The following CFAP263 variants were observed in gnomAD, a reference collection of about 807,000 sequenced individuals.
CFAP263 encodes cilia and flagella associated protein 263.
the CFAP263 span, among the ~76,000 whole-genome samples, chr16:58,267,051 G>A: frequency 2.9e-4 from 44 of 152,220 alleles, no homozygotes; most frequent in African/African-American, 7.9e-4. Context: ...TATTCCCCAC[G>A]CTCCATCCAC....
the CFAP263 span, among the ~76,000 whole-genome samples, chr16:58,268,818 ATTTT>A: frequency 2.0e-5 from 3 of 152,092 alleles, no homozygotes; most frequent in Non-Finnish European, 4.4e-5. Flanking sequence ...CTTAAAATTG[ATTTT>A]TTTTAAAGCC....
chr16:58,262,406 C>T, the CFAP263 span: 1 of 1,612,438 alleles, frequency 6.2e-7, no homozygotes, highest in Non-Finnish European at 8.5e-7. Flanking sequence ...GAGTGAGGCC[C>T]TTCACGATGT....
chr16:58,266,007 C>T, the CFAP263 span, among the ~76,000 whole-genome samples: 22 of 152,348 alleles, frequency 1.4e-4, no homozygotes, highest in Non-Finnish European at 2.5e-4. Flanking sequence ...CCCGGCCCCA[C>T]GTCTGACCCC....
At chr16:58,281,575 T>C in the CFAP263 span, 1 of 152,260 alleles carries the variant, frequency 6.6e-6, no homozygotes, top group Non-Finnish European at 1.5e-5. Flanking sequence ...CTCAAAGGAA[T>C]TCCTGCCCCT....
the CFAP263 span, chr16:58,254,212 C>G: frequency 8.3e-6 from 13 of 1,571,222 alleles, no homozygotes; most frequent in South Asian, 1.5e-4. Context: ...CACCTCTACC[C>G]CACTGAGAGG....
At chr16:58,257,782 T>A in the CFAP263 span, among the ~76,000 whole-genome samples, 1 of 152,166 alleles carries the variant, frequency 6.6e-6, no homozygotes, top group South Asian at 2.1e-4. Context: ...TTTTAATGGA[T>A]AAATAATTTC....
the CFAP263 span, among the ~76,000 whole-genome samples, chr16:58,272,116 G>A: frequency 6.6e-5 from 10 of 151,154 alleles, no homozygotes; most frequent in East Asian, 3.9e-4. Flanking sequence ...CCGGGTTCAC[G>A]CCATTCTCCT....
At chr16:58,256,801 T>A in the CFAP263 span, among the ~76,000 whole-genome samples, 1 of 152,220 alleles carries the variant, frequency 6.6e-6, no homozygotes, top group Middle Eastern at 3.4e-3. Flanking sequence ...ATTTGCAGTC[T>A]GGCTAGAGAT....
chr16:58,263,051 C>T, the CFAP263 span, among the ~76,000 whole-genome samples: 24,873 of 152,058 alleles, frequency 0.16, 2,250 homozygotes, highest in African/African-American at 0.23. Flanking sequence ...ATTTATCATC[C>T]AAACAGAACC....
At chr16:58,263,221 G>A in the CFAP263 span, among the ~76,000 whole-genome samples, 2 of 152,186 alleles carry the variant, frequency 1.3e-5, no homozygotes, top group Non-Finnish European at 2.9e-5. Flanking sequence ...CCACTGCCCT[G>A]TGAGCTAAGA....
At chr16:58,260,777 G>A in the CFAP263 span, among the ~76,000 whole-genome samples, 1 of 152,168 alleles carries the variant, frequency 6.6e-6, no homozygotes, top group African/African-American at 2.4e-5. Flanking sequence ...TTAACATGTT[G>A]GGGGACTATT....
chr16:58,255,305 C>T, the CFAP263 span, among the ~76,000 whole-genome samples: 1 of 152,216 alleles, frequency 6.6e-6, no homozygotes. Flanking sequence ...AGCCAGAAGA[C>T]TCAGTACACA....
the CFAP263 span, among the ~76,000 whole-genome samples, chr16:58,251,152 C>G: frequency 6.6e-6 from 1 of 152,110 alleles, no homozygotes; most frequent in African/African-American, 2.4e-5. Context: ...TTCTATGTAC[C>G]ATGCATTTAC....
the CFAP263 span, among the ~76,000 whole-genome samples, chr16:58,275,092 G>T: frequency 2.6e-5 from 4 of 152,338 alleles, 1 homozygote; most frequent in South Asian, 8.3e-4. Flanking sequence ...AGGCTAAACA[G>T]ACAGGAGGTA....
chr16:58,250,133 T>A, the CFAP263 span: 1 of 1,515,168 alleles, frequency 6.6e-7, no homozygotes, highest in Non-Finnish European at 9.0e-7. Context: ...CGCCCGCGCC[T>A]GGGGGCCGCC....
At chr16:58,250,036 A>C in the CFAP263 span, 1 of 1,596,674 alleles carries the variant, frequency 6.3e-7, no homozygotes, top group African/African-American at 1.3e-5. Flanking sequence ...TGAGTCCGAG[A>C]GCGTCCTCTC....
the CFAP263 span, chr16:58,252,843 A>C: frequency 1.9e-6 from 3 of 1,613,934 alleles, no homozygotes; most frequent in Non-Finnish European, 2.5e-6. Flanking sequence ...TCAGCAGCAG[A>C]TTATGCACAG....
chr16:58,250,110 G>GC, the CFAP263 span: 1 of 1,575,646 alleles, frequency 6.3e-7, no homozygotes, highest in Non-Finnish European at 8.6e-7. Context: ...TGGTGGAGGA[G>GC]CTCAGGTACC....
At chr16:58,268,791 T>C in the CFAP263 span, among the ~76,000 whole-genome samples, 2 of 152,230 alleles carry the variant, frequency 1.3e-5, no homozygotes, top group East Asian at 3.8e-4. Context: ...TTGATAGTTA[T>C]TAGATTACAA....
Sources: allele counts gnomAD v4.1 joint callset (sites outside exome capture counted in the v4.1 genomes callset), GRCh38; gene constraint gnomAD v4.1.1; transcripts MANE v1.5; gene names NCBI Gene and HGNC (gene_info 2026-07-23, HGNC 2026-07-21).